Variants in BTBD9 observed in about 807,000 individuals in gnomAD.
BTBD9 encodes the protein BTB domain containing 9, also known as BTB/POZ domain-containing protein 9.
Under a neutral mutation model 64.3 loss-of-function variants are expected in BTBD9, and 49 were observed. That is an observed-to-expected ratio of 0.76 (90% CI 0.61 to 0.97). The LOEUF is 0.97. Ranked by LOEUF, BTBD9 falls within the 50% of genes least tolerant of loss-of-function variation. The pLI is 0.00. For missense variants in BTBD9, 598 were observed against 762.1 expected (o/e 0.78, Z 2.53); for synonymous variants, 260 against 274.7 (o/e 0.95, Z 0.53).
At chr6:38,400,386 C>T (rs1766875443) in intron 6 of BTBD9, among the ~76,000 whole-genome samples, 1 of 152,146 alleles carries the variant, frequency 6.6e-6, no homozygotes, top group Non-Finnish European at 1.5e-5. Context: ...CAATCTATTC[C>T]TTTCTCCTTT....
chr6:38,310,881 A>G (rs1762804007), intron 7 of BTBD9, among the ~76,000 whole-genome samples: 1 of 152,014 alleles, frequency 6.6e-6, no homozygotes, highest in African/African-American at 2.4e-5. Flanking sequence ...CGTGATCTTG[A>G]CTCACTGCAA....
Position 38,598,114 on chromosome 6 carries a change from T to G in BTBD9, c.-20A>C, listed in dbSNP as rs767210673. 3.7e-6 allele frequency: 6 copies of G among 1,607,532 alleles called. No individual in the cohort carries two copies. The highest frequency in any genetic ancestry group is 5.1e-6 in the Non-Finnish European group (6 of 1,175,996). On this transcript the variant is annotated 5_prime_UTR_variant, in exon 2 of 11. Coordinates refer to ENST00000481247, the MANE Select transcript of BTBD9 (RefSeq NM_001099272.2). ...ACTCATCTTGTGGAATAGACGATAG[T>G]CGTTGTTCTATCATATAAAGAAGGA...
At chr6:38,185,690 C>G (rs1161239130) in intron 10 of BTBD9, among the ~76,000 whole-genome samples, 1 of 152,168 alleles carries the variant, frequency 6.6e-6, no homozygotes, top group Non-Finnish European at 1.5e-5. Flanking sequence ...CTGAGGAAAC[C>G]CCAATTCTGG....
chr6:38,545,503 G>C (rs1032856638), intron 6 of BTBD9, among the ~76,000 whole-genome samples: 1 of 152,084 alleles, frequency 6.6e-6, no homozygotes, highest in Non-Finnish European at 1.5e-5. Flanking sequence ...TTTTAGGCTG[G>C]GCGCAATGGC....
chr6:38,216,468 C>A (rs565464531), intron 9 of BTBD9, among the ~76,000 whole-genome samples: 2 of 152,266 alleles, frequency 1.3e-5, no homozygotes, highest in South Asian at 4.1e-4. Flanking sequence ...ATTTGGGAAA[C>A]ACAGGCTCCC....
chr6:38,195,037 A>G (rs1203859522), intron 9 of BTBD9, among the ~76,000 whole-genome samples: 1 of 152,268 alleles, frequency 6.6e-6, no homozygotes, highest in Admixed American at 6.5e-5. Context: ...AGAGCCGGAT[A>G]GCAATTCTAA....
At chr6:38,206,507 C>T (rs1385950775) in intron 9 of BTBD9, among the ~76,000 whole-genome samples, 1 of 151,904 alleles carries the variant, frequency 6.6e-6, no homozygotes, top group African/African-American at 2.4e-5. Context: ...TCCCAAAGTG[C>T]TGGGATTACA....
At chr6:38,256,726 C>T (rs1286649135) in intron 8 of BTBD9, among the ~76,000 whole-genome samples, 1 of 152,194 alleles carries the variant, frequency 6.6e-6, no homozygotes, top group African/African-American at 2.4e-5. Flanking sequence ...ACAAGTCCCC[C>T]AATCCCAGGC....
At chr6:38,239,319 A>G (rs1250462735) in intron 9 of BTBD9, among the ~76,000 whole-genome samples, 2 of 151,824 alleles carry the variant, frequency 1.3e-5, no homozygotes, top group African/African-American at 4.8e-5. Context: ...GCACGTCTGC[A>G]GTCCCAGCTA....
At chr6:38,578,354 C>G (rs771448270) in intron 5 of BTBD9, among the ~76,000 whole-genome samples, 1 of 152,164 alleles carries the variant, frequency 6.6e-6, no homozygotes, top group South Asian at 2.1e-4. Context: ...CTGGCAGTAA[C>G]GAAAACAGCC....
intron 9 of BTBD9, among the ~76,000 whole-genome samples, chr6:38,203,092 T>C (rs909634494): frequency 5.3e-5 from 8 of 152,116 alleles, no homozygotes; most frequent in East Asian, 3.8e-4. Flanking sequence ...TCACTAAGCA[T>C]TGGGAAAATG....
At chr6:38,553,359 T>C (rs1774893870) in intron 6 of BTBD9, among the ~76,000 whole-genome samples, 1 of 152,132 alleles carries the variant, frequency 6.6e-6, no homozygotes, top group Non-Finnish European at 1.5e-5. Flanking sequence ...TCACTTGATA[T>C]TGATTAGATT....
intron 9 of BTBD9, among the ~76,000 whole-genome samples, chr6:38,255,866 T>C (rs1215168654): frequency 2.6e-5 from 4 of 151,798 alleles, no homozygotes; most frequent in Admixed American, 2.0e-4. Context: ...AATTGAACAA[T>C]GAGAACACTT....
intron 6 of BTBD9, among the ~76,000 whole-genome samples, chr6:38,433,009 T>G (rs1485033379): frequency 2.6e-5 from 4 of 151,984 alleles, no homozygotes; most frequent in Non-Finnish European, 4.4e-5. Flanking sequence ...AATTACCCAG[T>G]CTCAGATATT....
rs1766874912 is a variant in BTBD9, at chr6:38,173,447, C to A, written c.*1538G>T. On this transcript the variant is annotated 3_prime_UTR_variant, in exon 11 of 11. Transcript: ENST00000481247. ...TGGCTTCTCCTCAGGAACGTGTCCA[C>A]CCTGCCCCGGTAGCCCTCTGATGTC... is the stretch of plus-strand genomic sequence containing the variant. 1 of 152,236 alleles carries A rather than the reference C, an allele frequency of 6.6e-6. No individual in the cohort carries two copies. Among genetic ancestry groups the A allele is most frequent in the Non-Finnish European group, 1.5e-5 (1 of 68,048 alleles). The allele number at this position is 152,236 out of a possible 1,614,324, so 9.4% of individuals were successfully genotyped here.
intron 7 of BTBD9, among the ~76,000 whole-genome samples, chr6:38,333,476 TC>T (rs1445283892): frequency 2.0e-5 from 3 of 152,190 alleles, no homozygotes; most frequent in African/African-American, 4.8e-5. Flanking sequence ...AAATCGTAAC[TC>T]CCAGTGTTGG....
chr6:38,224,970 G>T (rs945069010), intron 9 of BTBD9, among the ~76,000 whole-genome samples: 1 of 152,200 alleles, frequency 6.6e-6, no homozygotes, highest in African/African-American at 2.4e-5. Context: ...GTCACACTTA[G>T]TTTAAGGTAA....
At chr6:38,363,744 G>A (rs1765071370) in intron 6 of BTBD9, among the ~76,000 whole-genome samples, 1 of 152,120 alleles carries the variant, frequency 6.6e-6, no homozygotes, top group South Asian at 2.1e-4. Flanking sequence ...TGGTTTGAGA[G>A]GCATATTACT....
chr6:38,375,536 C>A (rs1765646551), intron 6 of BTBD9, among the ~76,000 whole-genome samples: 1 of 152,168 alleles, frequency 6.6e-6, no homozygotes, highest in South Asian at 2.1e-4. Flanking sequence ...GGAACATCTT[C>A]CACATTTTTG....
Sources: allele counts gnomAD v4.1 joint callset (sites outside exome capture counted in the v4.1 genomes callset), GRCh38; gene constraint gnomAD v4.1.1; transcripts MANE v1.5; gene names NCBI Gene and HGNC (gene_info 2026-07-23, HGNC 2026-07-21).